Variants in WDR7 observed in about 807,000 individuals in gnomAD.
The protein encoded by WDR7 is WD repeat-containing protein 7.
A neutral mutation model predicts 169.4 loss-of-function variants in WDR7; 46 were observed. That is an observed-to-expected ratio of 0.27 (90% confidence interval 0.21 to 0.35). WDR7 has a LOEUF of 0.35. Among genes scored for constraint, WDR7 ranks in the 10% least tolerant of loss-of-function variants. The probability of loss-of-function intolerance (pLI) is 1.00; values close to 1 mark genes in which losing one functional copy is unlikely to be tolerated. For synonymous variants in WDR7, 612 were observed against 666.8 expected (o/e 0.92, Z 1.27); for missense variants, 1,534 against 1,859.3 (o/e 0.83, Z 3.22).
intron 7 of WDR7, among the ~76,000 whole-genome samples, chr18:56,688,671 G>A (rs2025498189): frequency 6.6e-6 from 1 of 151,922 alleles, no homozygotes. Context: ...AGAGGTTGCA[G>A]TGAGCCGAGA....
chr18:56,736,058 A>G (rs764859974), intron 14 of WDR7, among the ~76,000 whole-genome samples: 1 of 152,130 alleles, frequency 6.6e-6, no homozygotes, highest in Non-Finnish European at 1.5e-5. Context: ...TCTGTATTCA[A>G]ATTATGTTTC....
intron 14 of WDR7, among the ~76,000 whole-genome samples, chr18:56,754,436 G>C (rs1347277451): frequency 2.6e-5 from 4 of 151,194 alleles, no homozygotes; most frequent in Non-Finnish European, 4.4e-5. Flanking sequence ...TATATAAGCA[G>C]TCTTTCTTGC....
chr18:56,961,241 C>G (rs2047335052), intron 25 of WDR7, among the ~76,000 whole-genome samples: 1 of 152,112 alleles, frequency 6.6e-6, no homozygotes, highest in Middle Eastern at 3.2e-3. Flanking sequence ...CTCTCAGCCT[C>G]TATTACTAGA....
chr18:56,681,161 C>T, intron 3 of WDR7, 152 bp from the exon 4 acceptor site: 1 of 609,716 alleles, frequency 1.6e-6, no homozygotes, highest in East Asian at 3.4e-5. Context: ...CGAGGGAGGA[C>T]TGGAAATTTT....
chr18:56,848,252 A>G (rs994012681), intron 20 of WDR7, among the ~76,000 whole-genome samples: 9 of 152,320 alleles, frequency 5.9e-5, no homozygotes, highest in African/African-American at 2.2e-4. Context: ...TCAGACTTGC[A>G]TGGGGCCTAT....
At chr18:56,910,798 C>T (rs1225435123) in intron 21 of WDR7, among the ~76,000 whole-genome samples, 2 of 152,034 alleles carry the variant, frequency 1.3e-5, no homozygotes, top group Non-Finnish European at 1.5e-5. Flanking sequence ...CTCAGATAGT[C>T]GGGAATTCAT....
chr18:56,916,795 G>T (rs1222571781), intron 21 of WDR7, among the ~76,000 whole-genome samples: 1 of 152,160 alleles, frequency 6.6e-6, no homozygotes, highest in Non-Finnish European at 1.5e-5. Flanking sequence ...TAATTGTAGT[G>T]ATTAAAAGAA....
rs572894584 is a variant in WDR7 at position 56,925,841 on chromosome 18, T to C, written c.3713+1733T>C. Among the ~76,000 whole-genome samples the C allele has an allele frequency of 3.9e-5, 6 of 152,310 alleles. No homozygotes were observed. In the South Asian group the frequency reaches 1.0e-3, roughly 26 times the overall value. On this transcript the variant is annotated intron_variant, in intron 22 of 27. Coordinates refer to ENST00000254442, the MANE Select transcript of WDR7 (RefSeq NM_015285.3). Reference sequence around the variant, plus strand: ...CCTCCTATCATACTACCATGCATCCTAAACTTTACCTCGGTGTCTCCCTAG... The same window carrying C: ...CCTCCTATCATACTACCATGCATCCCAAACTTTACCTCGGTGTCTCCCTAG...
intron 19 of WDR7, among the ~76,000 whole-genome samples, chr18:56,788,840 G>A (rs985003895): frequency 8.5e-5 from 13 of 152,198 alleles, no homozygotes; most frequent in Non-Finnish European, 1.6e-4. Flanking sequence ...TATGCATTGT[G>A]ATTAGAAGGG....
At chr18:56,936,008 T>C in intron 23 of WDR7, 103 bp downstream of exon 23, 1 of 1,076,900 alleles carries the variant, frequency 9.3e-7, no homozygotes, top group Non-Finnish European at 1.4e-6. Flanking sequence ...CAGTTTATTC[T>C]AGAACAATGC....
intron 7 of WDR7, among the ~76,000 whole-genome samples, chr18:56,688,733 A>G (rs629629): frequency 8.3e-5 from 12 of 144,572 alleles, no homozygotes; most frequent in Admixed American, 2.1e-4. Flanking sequence ...TGTCTTGGGG[A>G]AAAAAAAAAA....
At chr18:57,022,908 A>G (rs1394247864) in intron 27 of WDR7, among the ~76,000 whole-genome samples, 1 of 152,220 alleles carries the variant, frequency 6.6e-6, no homozygotes, top group Non-Finnish European at 1.5e-5. Flanking sequence ...CTTTGCACAC[A>G]GTGGGGCTGC....
intron 25 of WDR7, among the ~76,000 whole-genome samples, chr18:56,948,584 C>G (rs1009560980): frequency 6.6e-6 from 1 of 152,150 alleles, no homozygotes; most frequent in African/African-American, 2.4e-5. Context: ...TCAGTTCTTT[C>G]GCTTAAGCAG....
chr18:56,683,592 T>G (rs1226100291), intron 5 of WDR7, among the ~76,000 whole-genome samples: 1 of 152,238 alleles, frequency 6.6e-6, no homozygotes, highest in Non-Finnish European at 1.5e-5. Context: ...GTGTTTACAC[T>G]ACCAAGCACC....
Position 56,756,648 on chromosome 18 carries a change from C to A in WDR7, c.2055C>A (p.Asp685Glu), listed in dbSNP as rs1342427179. 6.2e-7 allele frequency: 1 copy of A among 1,613,928 alleles called. No individual in the cohort carries two copies. Among genetic ancestry groups the A allele is most frequent in the Non-Finnish European group, 8.5e-7 (1 of 1,180,004 alleles). Reference sequence around the variant, plus strand: ...AAGCAATAAAGACAAACCTAACAGACCCGGACATACATGTGCTATTCTTTG... The same window carrying A: ...AAGCAATAAAGACAAACCTAACAGAACCGGACATACATGTGCTATTCTTTG... The part of the protein sequence containing the change: ...MVQAIKTNLT[D>E]PDIHVLFFDV... The change falls in exon 15 of 28, where the codon GAC becomes GAA. Residue 685 changes from aspartate (D) to glutamate (E), a missense_variant. Asp to Glu is a conservative substitution (Grantham distance 45). Coordinates refer to ENST00000254442, the MANE Select transcript of WDR7 (RefSeq NM_015285.3).
intron 20 of WDR7, among the ~76,000 whole-genome samples, chr18:56,834,077 G>A (rs78602758): frequency 1.5e-3 from 223 of 152,238 alleles, no homozygotes; most frequent in Non-Finnish European, 1.4e-3. Context: ...TGCAGTTATA[G>A]GATTGAGGTC....
At chr18:56,888,320 A>G (rs2046223733) in intron 21 of WDR7, among the ~76,000 whole-genome samples, 1 of 152,258 alleles carries the variant, frequency 6.6e-6, no homozygotes, top group Non-Finnish European at 1.5e-5. Context: ...TCTGAAGATT[A>G]ATGAGAAGCC....
chr18:56,741,761 C>G (rs1327295495), intron 14 of WDR7, among the ~76,000 whole-genome samples: 1 of 152,180 alleles, frequency 6.6e-6, no homozygotes, highest in Admixed American at 6.5e-5. Flanking sequence ...CGGAACAAAA[C>G]TAAATTCTCA....
At chr18:56,680,541 T>C (rs1171993269) in intron 3 of WDR7, among the ~76,000 whole-genome samples, 1 of 152,238 alleles carries the variant, frequency 6.6e-6, no homozygotes, top group Non-Finnish European at 1.5e-5. Context: ...TATAATACCA[T>C]ATGAGATATA....
Sources: allele counts gnomAD v4.1 joint callset (sites outside exome capture counted in the v4.1 genomes callset), GRCh38; gene constraint gnomAD v4.1.1; transcripts MANE v1.5; gene names NCBI Gene and HGNC (gene_info 2026-07-23, HGNC 2026-07-21).